Variants in CDH13 observed in about 807,000 individuals in gnomAD.
CDH13 encodes cadherin-13.
A neutral mutation model predicts 63.8 loss-of-function variants in CDH13; 24 were observed. The ratio of observed to expected loss-of-function variants is 0.38; its 90% CI spans 0.27 to 0.53. The LOEUF is 0.53. CDH13 is among the 20% of genes least tolerant of loss of function. The pLI is 0.85. For missense variants in CDH13, 1,049 were observed against 903.1 expected (o/e 1.16, Z -2.07); for synonymous variants, 503 against 355.3 (o/e 1.42, Z -4.67).
chr16:82,953,764 T>C (rs1330098772), intron 2 of CDH13: 1 of 152,126 alleles, frequency 6.6e-6, no homozygotes. Flanking sequence ...GTCTCACATA[T>C]GTAGGAAAGC....
chr16:82,972,847 A>G (rs1404582936), intron 2 of CDH13, among the ~76,000 whole-genome samples: 1 of 152,106 alleles, frequency 6.6e-6, no homozygotes, highest in Non-Finnish European at 1.5e-5. Flanking sequence ...GCAGGTCTCT[A>G]CCTTTTTACC....
At chr16:82,918,186 CT>C (rs1302503249) in intron 2 of CDH13, among the ~76,000 whole-genome samples, 1 of 152,134 alleles carries the variant, frequency 6.6e-6, no homozygotes, top group Non-Finnish European at 1.5e-5. Flanking sequence ...AATCATCACC[CT>C]GCAAAAGGGT....
At chr16:83,134,544 GGAGAGAGAGAGAGAGAGAGA>G (rs67135267) in intron 4 of CDH13, among the ~76,000 whole-genome samples, 40 of 84,358 alleles carry the variant, frequency 4.7e-4, no homozygotes, top group Non-Finnish European at 7.4e-4. Context: ...TGGGGTGGGG[GGAGAGAGAGAGAGAGAGAGA>G]GAGAGAGAGA....
intron 1 of CDH13, among the ~76,000 whole-genome samples, chr16:82,737,773 G>A (rs1177133302): frequency 6.6e-6 from 1 of 152,034 alleles, no homozygotes; most frequent in South Asian, 2.1e-4. Flanking sequence ...TTCTTTCACT[G>A]CATTTCTTTT....
intron 5 of CDH13, among the ~76,000 whole-genome samples, chr16:83,273,711 A>G (rs1474825442): frequency 6.6e-6 from 1 of 152,162 alleles, no homozygotes; most frequent in Non-Finnish European, 1.5e-5. Context: ...CAAGTTAACT[A>G]CTGTTTGTTG....
chr16:83,054,851 A>G (rs1345130156), intron 3 of CDH13, among the ~76,000 whole-genome samples: 1 of 152,138 alleles, frequency 6.6e-6, no homozygotes, highest in Non-Finnish European at 1.5e-5. Flanking sequence ...TTACTAAACA[A>G]AATTTGGTTC....
intron 5 of CDH13, among the ~76,000 whole-genome samples, chr16:83,245,118 C>CAA (rs34319502): frequency 0.086 from 12,416 of 143,930 alleles, 1,590 homozygotes; most frequent in African/African-American, 0.28. Context: ...GGATAGTATG[C>CAA]AAAAAAAAAA....
intron 12 of CDH13, 59 bp downstream of exon 12, chr16:83,780,260 C>A: frequency 8.6e-7 from 1 of 1,165,018 alleles, no homozygotes; most frequent in Non-Finnish European, 1.2e-6. Flanking sequence ...TTTTCTCTTT[C>A]CCAAAATGCT....
chr16:82,946,930 C>T (rs1212636401), intron 2 of CDH13, among the ~76,000 whole-genome samples: 2 of 151,438 alleles, frequency 1.3e-5, no homozygotes, highest in Non-Finnish European at 2.9e-5. Context: ...AGAAAGGATG[C>T]CATAACAGAT....
At chr16:82,755,383 G>A (rs1324375666) in intron 1 of CDH13, among the ~76,000 whole-genome samples, 2 of 152,212 alleles carry the variant, frequency 1.3e-5, no homozygotes, top group African/African-American at 4.8e-5. Flanking sequence ...AACTGCTTAA[G>A]CAAGTTGTGT....
At chr16:83,657,865 CTCACCAGCAAGGTCCCATATCA>C (rs1364765757) in intron 8 of CDH13, among the ~76,000 whole-genome samples, 104 of 151,672 alleles carry the variant, frequency 6.9e-4, no homozygotes, top group African/African-American at 2.4e-3. Flanking sequence ...GTCCCATATC[CTCACCAGCAAGGTCCCATATCA>C]TCACCACCAG....
intron 1 of CDH13, among the ~76,000 whole-genome samples, chr16:82,833,949 A>G (rs756381986): frequency 2.0e-4 from 31 of 152,182 alleles, no homozygotes; most frequent in Non-Finnish European, 3.8e-4. Flanking sequence ...CGAGAAATGT[A>G]TTACTTACCT....
intron 5 of CDH13, among the ~76,000 whole-genome samples, chr16:83,304,902 T>G (rs1448100414): frequency 6.6e-6 from 1 of 152,206 alleles, no homozygotes; most frequent in Non-Finnish European, 1.5e-5. Flanking sequence ...GTGTGTAGTT[T>G]ATTAAGTCTT....
intron 13 of CDH13, among the ~76,000 whole-genome samples, chr16:83,785,027 C>T (rs1315083251): frequency 6.6e-6 from 1 of 152,160 alleles, no homozygotes; most frequent in Non-Finnish European, 1.5e-5. Context: ...GAGACAATTT[C>T]AGATGAAGGG....
intron 1 of CDH13, among the ~76,000 whole-genome samples, chr16:82,779,879 T>G (rs1459272794): frequency 1.3e-5 from 2 of 152,110 alleles, no homozygotes; most frequent in Non-Finnish European, 2.9e-5. Flanking sequence ...ACGAGGTAAC[T>G]TTGACAACCC....
intron 1 of CDH13, among the ~76,000 whole-genome samples, chr16:82,660,840 T>C (rs1466068904): frequency 6.6e-6 from 1 of 152,040 alleles, no homozygotes; most frequent in African/African-American, 2.4e-5. Context: ...GTTCCGGCAA[T>C]ACAAGTAAAA....
intron 4 of CDH13, among the ~76,000 whole-genome samples, chr16:83,191,887 C>T (rs2038726736): frequency 6.6e-6 from 1 of 152,098 alleles, no homozygotes; most frequent in Non-Finnish European, 1.5e-5. Flanking sequence ...TCTCCTTTGG[C>T]ATGATCCTCA....
intron 3 of CDH13, among the ~76,000 whole-genome samples, chr16:83,083,435 C>A (rs1382214083): frequency 1.3e-5 from 2 of 152,184 alleles, no homozygotes; most frequent in African/African-American, 2.4e-5. Flanking sequence ...TGTAGTCCTG[C>A]ACATTTGCTG....
At chr16:82,838,124 A>G (rs1004581407) in intron 1 of CDH13, among the ~76,000 whole-genome samples, 1 of 152,100 alleles carries the variant, frequency 6.6e-6, no homozygotes, top group Non-Finnish European at 1.5e-5. Flanking sequence ...TCTGTTTTGA[A>G]AGCTCTTCCC....
Sources: allele counts gnomAD v4.1 joint callset (sites outside exome capture counted in the v4.1 genomes callset), GRCh38; gene constraint gnomAD v4.1.1; transcripts MANE v1.5; gene names NCBI Gene and HGNC (gene_info 2026-07-23, HGNC 2026-07-21).